Variants in DNA2 observed in about 807,000 individuals in gnomAD.
DNA2 encodes DNA replication ATP-dependent helicase/nuclease DNA2.
In DNA2, 101 loss-of-function variants were observed where a neutral mutation model predicts 119.1. The ratio of observed to expected loss-of-function variants is 0.85; its 90% CI spans 0.72 to 1.00. The LOEUF (loss-of-function observed/expected upper bound fraction) is 1.00. Ranked by LOEUF, DNA2 falls within the 50% of genes least tolerant of loss-of-function variation. The probability of loss-of-function intolerance (pLI) is 0.00; values close to 1 mark genes in which losing one functional copy is unlikely to be tolerated. For missense variants in DNA2, 1,121 were observed against 1,255.5 expected, an observed-to-expected ratio of 0.89 and a Z score of 1.62; for synonymous variants, 366 against 424.4, an observed-to-expected ratio of 0.86 and a Z score of 1.69.
At chr10:68,444,353 G>A (rs191374149) in intron 8 of DNA2, among the ~76,000 whole-genome samples, 38 of 151,604 alleles carry the variant, frequency 2.5e-4, no homozygotes, top group East Asian at 9.7e-4. Flanking sequence ...TCATGCCACC[G>A]CACTCCAGCC....
intron 6 of DNA2, 107 bp from the exon 7 acceptor site, chr10:68,446,520 A>G (rs2052042410): frequency 1.4e-6 from 1 of 709,992 alleles, no homozygotes; most frequent in Non-Finnish European, 2.3e-6. Context: ...CAATAAAGTT[A>G]TTTCTATTTA....
chr10:68,469,803 AAT>A (rs1325474176), intron 2 of DNA2, among the ~76,000 whole-genome samples, 176 bp downstream of exon 2: 3 of 152,106 alleles, frequency 2.0e-5, no homozygotes, highest in African/African-American at 7.2e-5. Flanking sequence ...CAATTTTTGG[AAT>A]ATGAGACTTG....
At chr10:68,417,944 T>C (rs2051613055) in intron 19 of DNA2, among the ~76,000 whole-genome samples, 1 of 152,198 alleles carries the variant, frequency 6.6e-6, no homozygotes, top group South Asian at 2.1e-4. Flanking sequence ...TATGAGGTAC[T>C]TAGATTAGTC....
In DNA2 at chr10:68,431,965, T is replaced by C. The variant is rs376585293; in HGVS notation, c.1880A>G (p.Asn627Ser). Reference protein sequence around the residue: ...DTVACILKGLNKPQRQAMKKV... With the variant: ...DTVACILKGLSKPQRQAMKKV... The stretch of plus-strand genomic sequence containing the variant: ...TTTCATCGCTTGCCTCTGAGGCTTA[T>C]TCAAACCTACATTTAAATTCAAAAA... Residue 627 changes from asparagine to serine, a missense_variant, in exon 13 of 21, where the codon AAT (asparagine) becomes AGT (serine). Transcript: ENST00000358410. 1.8e-5 allele frequency: 29 copies of C among 1,602,570 alleles called. No individual in the cohort carries two copies. In the African/African-American group the frequency reaches 3.6e-4, roughly 20 times the overall value.
At chr10:68,446,934 C>T (rs1417357815) in intron 6 of DNA2, among the ~76,000 whole-genome samples, 1 of 152,024 alleles carries the variant, frequency 6.6e-6, no homozygotes, top group Non-Finnish European at 1.5e-5. Context: ...ACAGTATTTG[C>T]TAGCACAACA....
At chr10:68,431,322 G>GTC (rs2051818214) in intron 13 of DNA2, among the ~76,000 whole-genome samples, 1 of 149,732 alleles carries the variant, frequency 6.7e-6, no homozygotes, top group Non-Finnish European at 1.5e-5. Context: ...TGCTCTTGTT[G>GTC]TCCAGATTGG....
upstream of DNA2, chr10:68,472,214 C>G (rs978783066): frequency 4.9e-6 from 6 of 1,234,342 alleles, no homozygotes; most frequent in African/African-American, 9.4e-5. Context: ...CCTGCTTCAG[C>G]CTCCCAAGTA....
At chr10:68,426,595 G>GGAGGCC (rs1318725943) in intron 14 of DNA2, among the ~76,000 whole-genome samples, 11 of 151,798 alleles carry the variant, frequency 7.2e-5, no homozygotes, top group African/African-American at 2.2e-4. Context: ...CAGCACTTTG[G>GGAGGCC]GAGGCCAAGG....
chr10:68,446,801 C>T (rs1469882560), intron 6 of DNA2, among the ~76,000 whole-genome samples: 1 of 151,988 alleles, frequency 6.6e-6, no homozygotes, highest in Non-Finnish European at 1.5e-5. Context: ...CAATTGAATT[C>T]ATGGAGACAG....
chr10:68,432,555 T>C (rs779287332), intron 10 of DNA2, 45 bp from the exon 11 acceptor site: 3 of 1,068,784 alleles, frequency 2.8e-6, no homozygotes, highest in Non-Finnish European at 4.2e-6. Context: ...CCATTTCGCA[T>C]AGTCTGTATA....
chr10:68,431,910 G>A lies in DNA2; in HGVS notation c.1935C>T (p.Leu645=), dbSNP rs1379901673. Residue 645 remains leucine (L), a synonymous_variant, in exon 13 of 21, where the codon CTC becomes CTT. Coordinates refer to ENST00000358410, the MANE Select transcript of DNA2 (RefSeq NM_001080449.3). ...TTCCTGTCCCAGGCATACCCACGATGAGTGTGTAGTCTTTTGAAAGAAGTA... is the reference window on the plus strand; with the variant it reads ...TTCCTGTCCCAGGCATACCCACGATAAGTGTGTAGTCTTTTGAAAGAAGTA... ...KKVLLSKDYT[L]IVGMPGTGKT... is the part of the protein sequence containing the mutation. 1 of 1,613,866 alleles carries A rather than the reference G, an allele frequency of 6.2e-7. No homozygotes were observed. Among genetic ancestry groups the A allele is most frequent in the East Asian group, 2.2e-5 (1 of 44,862 alleles).
chr10:68,461,494 A>G (rs1022505226), intron 4 of DNA2: 7 of 152,082 alleles, frequency 4.6e-5, no homozygotes, highest in African/African-American at 1.7e-4. Flanking sequence ...CTTGGATGGG[A>G]GACCACCTGG....
intron 4 of DNA2, among the ~76,000 whole-genome samples, chr10:68,460,434 TGA>T (rs528034464): frequency 2.7e-5 from 4 of 149,096 alleles, no homozygotes; most frequent in East Asian, 2.0e-4. Context: ...TTTTTTTTTT[TGA>T]GAGAGAGTTT....
At chr10:68,439,270 T>A (rs949817969) in intron 9 of DNA2, among the ~76,000 whole-genome samples, 3 of 151,604 alleles carry the variant, frequency 2.0e-5, no homozygotes, top group Non-Finnish European at 2.9e-5. Context: ...GGTGCATGCC[T>A]GTAATCCCAG....
Position 68,444,858 on chromosome 10 carries a change from T to C in DNA2, c.1220+63A>G, listed in dbSNP as rs143822164. The C allele has an allele frequency of 4.5e-5, 58 of 1,301,202 alleles. No homozygotes were observed. In the East Asian group the frequency reaches 1.2e-3, roughly 26 times the overall value. The allele number at this position is 1,301,202 out of a possible 1,614,324, so 80.6% of individuals were successfully genotyped here. A position where few individuals can be genotyped will look rare whatever the true frequency, so the allele number is the denominator to read the frequency against. Reference sequence around the variant, plus strand: ...ATCAATGCCCGTCTGGCCACCAGTGTTAAACGTATTTAGTTGAGTTCATAC... The same window carrying C: ...ATCAATGCCCGTCTGGCCACCAGTGCTAAACGTATTTAGTTGAGTTCATAC... On this transcript the variant is annotated intron_variant, in intron 8 of 20. Transcript: ENST00000358410.
At chr10:68,455,803 A>T (rs1458001657) in intron 5 of DNA2, among the ~76,000 whole-genome samples, 2 of 152,048 alleles carry the variant, frequency 1.3e-5, no homozygotes, top group African/African-American at 4.8e-5. Flanking sequence ...CCTGAGCGAC[A>T]GAGCGAGACT....
chr10:68,439,394 CA>C (rs1421157232), intron 9 of DNA2, among the ~76,000 whole-genome samples: 1 of 151,150 alleles, frequency 6.6e-6, no homozygotes, highest in African/African-American at 2.4e-5. Flanking sequence ...AACTCCATCT[CA>C]AAAAAAGAAA....
At chr10:68,463,245 C>T (rs1417592770) in intron 4 of DNA2, among the ~76,000 whole-genome samples, 1 of 151,916 alleles carries the variant, frequency 6.6e-6, no homozygotes, top group African/African-American at 2.4e-5. Flanking sequence ...GAGATCGGGA[C>T]CATCCTGGCT....
intron 4 of DNA2, among the ~76,000 whole-genome samples, chr10:68,463,954 T>C (rs2052294043): frequency 6.6e-6 from 1 of 151,958 alleles, no homozygotes; most frequent in South Asian, 2.1e-4. Context: ...TTAAACAAAA[T>C]AGCAACCACA....
Sources: allele counts gnomAD v4.1 joint callset (sites outside exome capture counted in the v4.1 genomes callset), GRCh38; gene constraint gnomAD v4.1.1; transcripts MANE v1.5; gene names NCBI Gene and HGNC (gene_info 2026-07-23, HGNC 2026-07-21).